The following NBAS variants were observed in gnomAD, a reference collection of about 807,000 sequenced individuals.
NBAS encodes NBAS subunit of NRZ tethering complex, also known as NAG/BC035112 fusion.
Under a neutral mutation model 302.5 loss-of-function variants are expected in NBAS, and 219 were observed. The observed-to-expected ratio is 0.72, with a 90% CI of 0.65 to 0.81. NBAS has a LOEUF of 0.81. NBAS is among the 30% of genes least tolerant of loss of function. NBAS has a pLI of 0.00. For missense variants in NBAS, 2,932 were observed against 2,841.6 expected, an observed-to-expected ratio of 1.03 and a Z score of -0.72; for synonymous variants, 1,118 against 1,021.6, an observed-to-expected ratio of 1.09 and a Z score of -1.80.
chr2:15,461,751 T>C lies in NBAS; in HGVS notation c.2138A>G (p.Asp713Gly). The C allele has an allele frequency of 6.2e-7, 1 of 1,609,014 alleles. No homozygotes were observed. The part of the protein sequence containing the change: ...GVPHASEQRY[D>G]AEFFKKFRNQ... ...TCTGAATTTCTTAAAGAATTCAGCA[T>C]CATATCTCTGTTCAGATGCATGAGG... The change falls in exon 20 of 52, where the codon GAT (aspartate) becomes GGT (glycine). Residue 713 changes from aspartate (D) to glycine (G), a missense_variant. Physicochemically the swap from Asp to Gly is moderately conservative, Grantham distance 94. Transcript: ENST00000281513.
At chr2:15,265,128 T>TTA (rs1669020867) in intron 44 of NBAS, among the ~76,000 whole-genome samples, 1 of 152,206 alleles carries the variant, frequency 6.6e-6, no homozygotes, top group Admixed American at 6.5e-5. Context: ...GGTAAGACAT[T>TTA]GTATAGGCTG....
intron 25 of NBAS, among the ~76,000 whole-genome samples, chr2:15,403,453 A>C (rs1676247777): frequency 6.6e-6 from 1 of 152,220 alleles, no homozygotes; most frequent in Non-Finnish European, 1.5e-5. Flanking sequence ...TGTACTGAAC[A>C]TGTACAGACC....
the NBAS span, among the ~76,000 whole-genome samples, chr2:14,921,628 T>C: frequency 2.6e-5 from 4 of 152,182 alleles, no homozygotes; most frequent in African/African-American, 7.2e-5. Flanking sequence ...ATGAGGTGCC[T>C]GTCAAGTTCA....
At chr2:14,796,052 T>C in the NBAS span, among the ~76,000 whole-genome samples, 73 of 152,370 alleles carry the variant, frequency 4.8e-4, 1 homozygote, top group African/African-American at 9.1e-4. Context: ...TTAAAGTTTG[T>C]GTTTTTTGCA....
chr2:15,255,554 T>C (rs1010601978), intron 44 of NBAS, among the ~76,000 whole-genome samples: 10 of 151,988 alleles, frequency 6.6e-5, no homozygotes, highest in African/African-American at 2.2e-4. Flanking sequence ...AGATGCTTTT[T>C]AGTTTAATTA....
intron 31 of NBAS, among the ~76,000 whole-genome samples, chr2:15,373,379 G>A (rs78760241): frequency 0.013 from 1,306 of 103,422 alleles, 24 homozygotes; most frequent in African/African-American, 0.041. Flanking sequence ...TGCCTAGGCC[G>A]GAATGCAACA....
At chr2:15,427,846 T>C (rs1452693080) in intron 21 of NBAS, 52 bp from the exon 22 acceptor site, 1 of 1,379,892 alleles carries the variant, frequency 7.2e-7, no homozygotes, top group Non-Finnish European at 1.0e-6. Context: ...CTCAATGACT[T>C]AGCCACACAA....
chr2:15,416,504 A>G (rs1676940283), intron 24 of NBAS, among the ~76,000 whole-genome samples: 1 of 152,140 alleles, frequency 6.6e-6, no homozygotes, highest in South Asian at 2.1e-4. Context: ...AGACAGAGGG[A>G]GAGACAAAAG....
chr2:15,137,387 G>A, the NBAS span, among the ~76,000 whole-genome samples: 2 of 152,254 alleles, frequency 1.3e-5, no homozygotes, highest in South Asian at 2.1e-4. Context: ...GCTGAAAACT[G>A]CTGTGAGTAA....
Position 15,238,609 on chromosome 2 carries a change from T to G in NBAS, c.5802A>C (p.Lys1934Asn), listed in dbSNP as rs1283000956. ...CTTGAGCTTCGTCTTCTGAGTTTCTTTTCCTTGGCTTCTCAATAAAATGTT... is the reference window on the plus strand; with the variant it reads ...CTTGAGCTTCGTCTTCTGAGTTTCTGTTCCTTGGCTTCTCAATAAAATGTT... ...TVKHFIEKPR[K>N]RNSEDEAQEA... The change falls in exon 45 of 52, where the codon AAA becomes AAC. Residue 1934 changes from lysine to asparagine, a missense_variant. Physicochemically the swap from Lys to Asn is moderately conservative, Grantham distance 94. Transcript: ENST00000281513. 1 of 1,613,614 alleles carries G rather than the reference T, an allele frequency of 6.2e-7. No individual in the cohort carries two copies. The highest frequency in any genetic ancestry group is 8.5e-7 in the Non-Finnish European group (1 of 1,179,932).
At position 15,413,587 on chromosome 2, in the gene NBAS, G is replaced by C. The variant is rs564598661; in HGVS notation, c.2937+1959C>G. On this transcript the variant is annotated intron_variant, in intron 25 of 51. Coordinates refer to ENST00000281513, the MANE Select transcript of NBAS (RefSeq NM_015909.4). Reference sequence around the variant, plus strand: ...CAGTCTGTAACACACGGAGGGCCATGAGTGAAACAGACAGCGGAGGAGTTA... The same window carrying C: ...CAGTCTGTAACACACGGAGGGCCATCAGTGAAACAGACAGCGGAGGAGTTA... Among the ~76,000 whole-genome samples, 4 of 152,340 alleles carry C rather than the reference G, an allele frequency of 2.6e-5. No individual in the cohort carries two copies. In the East Asian group the frequency reaches 7.7e-4, roughly 29 times the overall value.
intron 21 of NBAS, among the ~76,000 whole-genome samples, chr2:15,433,346 T>C (rs764299826): frequency 6.6e-5 from 10 of 152,154 alleles, no homozygotes; most frequent in Non-Finnish European, 1.5e-4. Flanking sequence ...TCAGATTAGT[T>C]AGTACATAAA....
intron 25 of NBAS, among the ~76,000 whole-genome samples, chr2:15,408,362 GC>G (rs1396723369): frequency 7.2e-5 from 11 of 152,070 alleles, no homozygotes; most frequent in African/African-American, 2.7e-4. Context: ...TGTTCACCTT[GC>G]TTTTAATACT....
At chr2:15,053,910 A>G in the NBAS span, among the ~76,000 whole-genome samples, 3 of 150,632 alleles carry the variant, frequency 2.0e-5, no homozygotes, top group Admixed American at 2.0e-4. Context: ...AATCCTAGCA[A>G]CAAAAGAGGC....
intron 6 of NBAS, among the ~76,000 whole-genome samples, chr2:15,544,212 A>G (rs1294762066): frequency 4.6e-5 from 7 of 152,166 alleles, no homozygotes; most frequent in Non-Finnish European, 1.0e-4. Flanking sequence ...AACTAGTGGG[A>G]GTGGAAAGAC....
At chr2:14,881,190 A>T in the NBAS span, among the ~76,000 whole-genome samples, 5 of 152,192 alleles carry the variant, frequency 3.3e-5, no homozygotes, top group Non-Finnish European at 5.9e-5. Context: ...TTGCAGCAAC[A>T]TAGATACAGC....
the NBAS span, among the ~76,000 whole-genome samples, chr2:14,859,889 G>A: frequency 6.6e-6 from 1 of 151,810 alleles, no homozygotes; most frequent in East Asian, 1.9e-4. Flanking sequence ...ACAAACTAAA[G>A]ACATAACCCA....
chr2:15,366,669 C>T lies in NBAS; in HGVS notation c.3728G>A (p.Ser1243Asn), dbSNP rs762060492. 2.5e-6 allele frequency: 4 copies of T among 1,613,932 alleles called. No individual in the cohort carries two copies. Among genetic ancestry groups the T allele is most frequent in the Non-Finnish European group, 3.4e-6 (4 of 1,179,974 alleles). ...LQVRLCPDRISLIKECISQSP... is the reference protein window; with the variant it reads ...LQVRLCPDRINLIKECISQSP... ...CTGGGAAATACACTCCTTGATGAGA[C>T]TGATCCGATCAGGGCACAATCGCAC... Residue 1243 changes from serine (S) to asparagine (N), a missense_variant, in exon 32 of 52, where the codon AGT becomes AAT. Ser to Asn is a conservative substitution (Grantham distance 46, BLOSUM62 1). Coordinates refer to ENST00000281513, the MANE Select transcript of NBAS (RefSeq NM_015909.4).
intron 44 of NBAS, among the ~76,000 whole-genome samples, chr2:15,242,023 C>T (rs992123563): frequency 6.6e-6 from 1 of 152,176 alleles, no homozygotes; most frequent in Admixed American, 6.5e-5. Context: ...GTTTCATTAT[C>T]GAGACACTTG....
Sources: allele counts gnomAD v4.1 joint callset (sites outside exome capture counted in the v4.1 genomes callset), GRCh38; gene constraint gnomAD v4.1.1; transcripts MANE v1.5; gene names NCBI Gene and HGNC (gene_info 2026-07-23, HGNC 2026-07-21).